EYA1: variants seen among roughly 807,000 people sequenced by gnomAD.
EYA1 encodes the protein protein phosphatase EYA1.
A neutral mutation model predicts 82.0 loss-of-function variants in EYA1; 16 were observed. That is an observed-to-expected ratio of 0.20 (90% CI 0.13 to 0.30). The LOEUF is 0.30. Ranked by LOEUF, EYA1 falls within the 10% of genes least tolerant of loss-of-function variation. The pLI, the probability that EYA1 is intolerant of heterozygous loss-of-function variation, is 1.00. For missense variants in EYA1, 633 were observed against 730.7 expected, an observed-to-expected ratio of 0.87 and a Z score of 1.54; for synonymous variants, 261 against 264.4, an observed-to-expected ratio of 0.99 and a Z score of 0.12.
At chr8:71,352,341 A>G (rs1355414899) in intron 3 of EYA1, among the ~76,000 whole-genome samples, 1 of 152,174 alleles carries the variant, frequency 6.6e-6, no homozygotes, top group African/African-American at 2.4e-5. Flanking sequence ...CTTAATAAAA[A>G]CCTAGAACTT....
upstream of EYA1, among the ~76,000 whole-genome samples, chr8:71,362,477 TAG>T (rs777174362): frequency 2.6e-5 from 4 of 152,208 alleles, no homozygotes; most frequent in East Asian, 7.7e-4. Flanking sequence ...CCCTGAAACT[TAG>T]GGAATCCACT....
intron 2 of EYA1, among the ~76,000 whole-genome samples, chr8:71,451,737 C>T (rs1282637835): frequency 6.6e-6 from 1 of 152,132 alleles, no homozygotes; most frequent in East Asian, 1.9e-4. Context: ...TTTTAGTCTT[C>T]CAATATCAAG....
intron 9 of EYA1, among the ~76,000 whole-genome samples, chr8:71,296,591 A>G (rs914366558): frequency 6.6e-6 from 1 of 151,304 alleles, no homozygotes. Context: ...CTCCAGTATT[A>G]TAAAATACTA....
chr8:71,538,862 C>T (rs1374850504), intron 1 of EYA1, among the ~76,000 whole-genome samples: 2 of 152,158 alleles, frequency 1.3e-5, no homozygotes, highest in Admixed American at 6.5e-5. Context: ...TCCCTACAGA[C>T]AGGTGCCATA....
At chr8:71,331,816 G>T (rs970985975) in intron 4 of EYA1, among the ~76,000 whole-genome samples, 1 of 152,016 alleles carries the variant, frequency 6.6e-6, no homozygotes, top group Non-Finnish European at 1.5e-5. Context: ...CCCTGTGTTT[G>T]CTTCCAGTTC....
In EYA1 at chr8:71,199,275, C is replaced by A; in HGVS notation, c.*65G>T. 8.2e-7 allele frequency: 1 copy of A among 1,222,946 alleles called. No homozygotes were observed. The highest frequency in any genetic ancestry group is 1.8e-5 in the Admixed American group (1 of 54,502). The allele number at this position is 1,222,946 out of a possible 1,614,324, so 75.8% of individuals were successfully genotyped here. A position where few individuals can be genotyped will look rare whatever the true frequency, so the allele number is the denominator to read the frequency against. ...TCTGGAGGCCGGCGCTGATGCGAGA[C>A]TGGGGCCTGCTGGATCTGTCCCTGG... is the stretch of plus-strand genomic sequence containing the variant. On this transcript the variant is annotated 3_prime_UTR_variant, in exon 18 of 18. Transcript: ENST00000340726.
At position 71,448,025 on chromosome 8, in the gene EYA1, T is replaced by TTTTTTTTTTTAGGTAACGGAG. The variant is rs935912194; in HGVS notation, c.33+87718_33+87719insCTCCGTTACCTAAAAAAAAAA. ...GTTTAAGAGCTTTTTTTTTTTTTTTTTCTCGCTCCGTTGCCCAGGCTGCAG... is the reference window on the plus strand; with the variant it reads ...GTTTAAGAGCTTTTTTTTTTTTTTTTTTTTTTTTTTAGGTAACGGAGTCTCGCTCCGTTGCCCAGGCTGCAG... On this transcript the variant is annotated intron_variant, in intron 2 of 18. Coordinates refer to the EYA1 transcript ENST00000643681. Among the ~76,000 whole-genome samples, 13 of 116,732 alleles carry TTTTTTTTTTTAGGTAACGGAG rather than the reference T, an allele frequency of 1.1e-4. 1 individual carries two copies. Among genetic ancestry groups the TTTTTTTTTTTAGGTAACGGAG allele is most frequent in the Admixed American group, 2.0e-4 (2 of 9,778 alleles). The allele number at this position is 116,732 out of a possible 152,430, so 76.6% of individuals were successfully genotyped here. A position where few individuals can be genotyped will look rare whatever the true frequency, so the allele number is the denominator to read the frequency against.
At chr8:71,240,268 CTTT>C (rs35098983) in intron 12 of EYA1, among the ~76,000 whole-genome samples, 327 of 143,066 alleles carry the variant, frequency 2.3e-3, no homozygotes, top group African/African-American at 6.1e-3. Context: ...TGCCCCAGGC[CTTT>C]TTTTTTTTTT....
chr8:71,314,989 CT>C (rs11287424), intron 7 of EYA1, among the ~76,000 whole-genome samples: 48,172 of 151,858 alleles, frequency 0.32, 7,954 homozygotes, highest in East Asian at 0.57. Flanking sequence ...TTCATTTCCC[CT>C]TTTTTATGCA....
intron 11 of EYA1, among the ~76,000 whole-genome samples, chr8:71,249,569 A>T (rs1192426384): frequency 6.6e-6 from 1 of 152,096 alleles, no homozygotes; most frequent in Non-Finnish European, 1.5e-5. Flanking sequence ...CCCATGACAC[A>T]TGGGAATTAT....
intron 2 of EYA1, among the ~76,000 whole-genome samples, chr8:71,416,644 T>C (rs1830868163): frequency 6.6e-6 from 1 of 152,162 alleles, no homozygotes; most frequent in South Asian, 2.1e-4. Context: ...TGACTTCAAA[T>C]ATTATCTATA....
intron 2 of EYA1, among the ~76,000 whole-genome samples, chr8:71,443,599 A>T (rs1806600123): frequency 6.6e-6 from 1 of 152,210 alleles, no homozygotes; most frequent in African/African-American, 2.4e-5. Flanking sequence ...CTACAAGAGG[A>T]CAGTGCTATA....
intron 2 of EYA1, among the ~76,000 whole-genome samples, chr8:71,388,790 A>G (rs553629152): frequency 6.6e-6 from 1 of 152,280 alleles, no homozygotes; most frequent in East Asian, 1.9e-4. Context: ...TTTAATAAGC[A>G]TAATAGTGAT....
chr8:71,412,326 A>G (rs1167008918), intron 2 of EYA1, among the ~76,000 whole-genome samples: 1 of 150,248 alleles, frequency 6.7e-6, no homozygotes, highest in Non-Finnish European at 1.5e-5. Flanking sequence ...ACATGTATAC[A>G]TATGTAACTA....
intron 2 of EYA1, among the ~76,000 whole-genome samples, chr8:71,463,601 CT>C (rs2129192752): frequency 7.5e-6 from 1 of 133,232 alleles, no homozygotes; most frequent in South Asian, 2.7e-4. Flanking sequence ...CTCTCTCTCT[CT>C]CTCTCTCTCT....
chr8:71,375,814 A>G (rs755228872), intron 2 of EYA1, among the ~76,000 whole-genome samples: 12 of 152,060 alleles, frequency 7.9e-5, no homozygotes, highest in Non-Finnish European at 1.6e-4. Context: ...TTTTTAGTAG[A>G]GACAGGGTTT....
chr8:71,419,195 A>C (rs10106189), intron 2 of EYA1, among the ~76,000 whole-genome samples: 39,231 of 152,026 alleles, frequency 0.26, 5,347 homozygotes, highest in Non-Finnish European at 0.3. Context: ...TGTGCAGAAA[A>C]CAAACTTTAA....
rs556955035 is a variant in EYA1 at position 71,198,020 on chromosome 8, A to T, written c.*1320T>A. 6.6e-6 allele frequency: 1 copy of T among 152,350 alleles called. No homozygotes were observed. Among genetic ancestry groups the T allele is most frequent in the Non-Finnish European group, 1.5e-5 (1 of 68,040 alleles). 9.4% of individuals were successfully genotyped at this position (152,350 alleles called of 1,614,324 possible). On this transcript the variant is annotated 3_prime_UTR_variant, in exon 18 of 18. Transcript: ENST00000340726. ...ACCTTCCTCAGGGTGACAGGAAGAA[A>T]GAGAAAATACGCACATAGGGAGTAA...
intron 2 of EYA1, among the ~76,000 whole-genome samples, chr8:71,415,331 A>T (rs1830797557): frequency 6.6e-6 from 1 of 152,218 alleles, no homozygotes; most frequent in South Asian, 2.1e-4. Context: ...CTGTAGGCCA[A>T]CTATAATTCT....
Sources: gnomAD v4.1 joint callset for allele counts (sites outside exome capture counted in the v4.1 genomes callset) on GRCh38, gnomAD v4.1.1 for gene constraint, MANE v1.5 for transcripts, NCBI Gene and HGNC (gene_info 2026-07-23, HGNC 2026-07-21) for gene names.